The following NCKAP5 variants were observed in gnomAD, a reference collection of about 807,000 sequenced individuals.
NCKAP5 encodes nck-associated protein 5.
Under a neutral mutation model 167.0 loss-of-function variants are expected in NCKAP5, and 92 were observed. That is an observed-to-expected ratio of 0.55 (90% CI 0.47 to 0.66). The LOEUF (loss-of-function observed/expected upper bound fraction) is 0.66, where lower values mean the gene tolerates loss of function less well. NCKAP5 is among the 30% of genes least tolerant of loss of function. The pLI is 0.00. For missense variants in NCKAP5, 2,378 were observed against 2,315.0 expected, an observed-to-expected ratio of 1.03 and a Z score of -0.56; for synonymous variants, 891 against 877.4, an observed-to-expected ratio of 1.02 and a Z score of -0.27.
intron 3 of NCKAP5, among the ~76,000 whole-genome samples, chr2:133,318,493 C>T (rs952519449): frequency 2.0e-5 from 3 of 152,120 alleles, no homozygotes; most frequent in Non-Finnish European, 4.4e-5. Flanking sequence ...GCTGATACAA[C>T]CTGATGTAAA....
At chr2:133,191,564 T>C (rs1250363958) in intron 5 of NCKAP5, among the ~76,000 whole-genome samples, 12 of 152,190 alleles carry the variant, frequency 7.9e-5, no homozygotes, top group Admixed American at 5.2e-4. Flanking sequence ...GTGGCACATA[T>C]ACACCATGGA....
At chr2:133,105,693 A>G (rs950090037) in intron 6 of NCKAP5, among the ~76,000 whole-genome samples, 2 of 152,224 alleles carry the variant, frequency 1.3e-5, no homozygotes, top group African/African-American at 4.8e-5. Context: ...GCTGGTTTCA[A>G]TGATTGAATT....
chr2:132,728,528 G>A (rs1251311603), intron 18 of NCKAP5, among the ~76,000 whole-genome samples: 1 of 152,310 alleles, frequency 6.6e-6, no homozygotes, highest in South Asian at 2.1e-4. Flanking sequence ...GCTTGGGAGA[G>A]TGAATGCTTG....
chr2:133,437,743 G>T (rs1001068271), intron 3 of NCKAP5, among the ~76,000 whole-genome samples: 2 of 152,072 alleles, frequency 1.3e-5, no homozygotes, highest in Non-Finnish European at 2.9e-5. Context: ...CCACTGGGAG[G>T]ACATTTGACT....
At chr2:132,693,326 TAC>T (rs1408519194) in intron 19 of NCKAP5, among the ~76,000 whole-genome samples, 1 of 151,996 alleles carries the variant, frequency 6.6e-6, no homozygotes, top group Non-Finnish European at 1.5e-5. Context: ...TGGAGTAAGG[TAC>T]ACCCTCAATC....
At chr2:133,394,070 G>C (rs1687590994) in intron 3 of NCKAP5, among the ~76,000 whole-genome samples, 1 of 152,154 alleles carries the variant, frequency 6.6e-6, no homozygotes, top group African/African-American at 2.4e-5. Context: ...ACAGACTCCT[G>C]CCTTCTTTAC....
chr2:133,297,090 CT>C (rs1559361018), intron 4 of NCKAP5, among the ~76,000 whole-genome samples: 1 of 151,554 alleles, frequency 6.6e-6, no homozygotes. Flanking sequence ...CTAATATTAA[CT>C]TTTCACATTA....
At chr2:133,123,646 G>A (rs2278456) in intron 6 of NCKAP5, 49,350 of 374,088 alleles carry the variant, frequency 0.13, 4,230 homozygotes, top group East Asian at 0.37. Flanking sequence ...ATCAGGAGGA[G>A]CAAGGCACTC....
chr2:133,410,920 C>T (rs1318621251), intron 3 of NCKAP5, among the ~76,000 whole-genome samples: 1 of 152,168 alleles, frequency 6.6e-6, no homozygotes, highest in Non-Finnish European at 1.5e-5. Context: ...TGGTCATTAT[C>T]AACAGTTCCC....
intron 16 of NCKAP5, among the ~76,000 whole-genome samples, chr2:132,748,833 G>A (rs551833851): frequency 1.8e-4 from 28 of 151,980 alleles, no homozygotes; most frequent in African/African-American, 5.8e-4. Context: ...ACTCAGGCTG[G>A]AGTGCAATGG....
chr2:133,106,002 T>C (rs541418790), intron 6 of NCKAP5, among the ~76,000 whole-genome samples: 1 of 151,998 alleles, frequency 6.6e-6, no homozygotes, highest in South Asian at 2.1e-4. Flanking sequence ...CCTAAACCCG[T>C]CCCTCCTTTG....
intron 5 of NCKAP5, among the ~76,000 whole-genome samples, chr2:133,176,818 C>T (rs1466137755): frequency 6.6e-6 from 1 of 152,166 alleles, no homozygotes; most frequent in African/African-American, 2.4e-5. Context: ...GTTACAGTCT[C>T]TCTTGCAGGA....
At chr2:133,075,459 T>G (rs536105188) in intron 6 of NCKAP5, among the ~76,000 whole-genome samples, 1 of 152,306 alleles carries the variant, frequency 6.6e-6, no homozygotes, top group African/African-American at 2.4e-5. Context: ...TGTATTATTT[T>G]TATTCTTTTA....
the NCKAP5 span, among the ~76,000 whole-genome samples, chr2:133,603,498 T>C: frequency 2.0e-5 from 3 of 152,264 alleles, no homozygotes; most frequent in African/African-American, 4.8e-5. Context: ...GTGCTGGGAT[T>C]ACAGGCGTGA....
At chr2:133,213,943 A>C (rs2086318122) in intron 4 of NCKAP5, among the ~76,000 whole-genome samples, 164 bp from the exon 5 acceptor site, 1 of 152,192 alleles carries the variant, frequency 6.6e-6, no homozygotes, top group South Asian at 2.1e-4. Context: ...TTGGTCATGA[A>C]TGCATTGTTT....
intron 16 of NCKAP5, among the ~76,000 whole-genome samples, chr2:132,760,551 G>A (rs1680915240): frequency 1.3e-5 from 2 of 152,000 alleles, no homozygotes; most frequent in African/African-American, 4.8e-5. Flanking sequence ...TGCAGTCTTT[G>A]GAGGACTCAT....
chr2:133,575,026 C>G, the NCKAP5 span, among the ~76,000 whole-genome samples: 52 of 152,336 alleles, frequency 3.4e-4, no homozygotes, highest in Middle Eastern at 3.4e-3. Context: ...ATCATCCAGG[C>G]AGCCACAGCG....
intron 19 of NCKAP5, among the ~76,000 whole-genome samples, chr2:132,676,268 G>C (rs972052633): frequency 6.7e-6 from 1 of 149,214 alleles, no homozygotes; most frequent in Admixed American, 6.7e-5. Context: ...TCTGAGCTAG[G>C]GATGTTGTTT....
the NCKAP5 span, among the ~76,000 whole-genome samples, chr2:133,578,428 G>A: frequency 6.6e-6 from 1 of 152,368 alleles, no homozygotes; most frequent in Non-Finnish European, 1.5e-5. Context: ...GACATGCACT[G>A]CATGGGTCCC....
Sources: allele counts gnomAD v4.1 joint callset (sites outside exome capture counted in the v4.1 genomes callset), GRCh38; gene constraint gnomAD v4.1.1; transcripts MANE v1.5; gene names NCBI Gene and HGNC (gene_info 2026-07-23, HGNC 2026-07-21).